NCKAP5: variants seen among roughly 807,000 people sequenced by gnomAD.
NCKAP5 encodes NCK associated protein 5.
Under a neutral mutation model 167.0 loss-of-function variants are expected in NCKAP5, and 92 were observed. The observed-to-expected ratio is 0.55, with a 90% CI of 0.47 to 0.66. The LOEUF (loss-of-function observed/expected upper bound fraction) is 0.66. Ranked by LOEUF, NCKAP5 falls within the 30% of genes least tolerant of loss-of-function variation. The pLI, the probability that NCKAP5 is intolerant of heterozygous loss-of-function variation, is 0.00. For missense variants in NCKAP5, 2,378 were observed against 2,315.0 expected, an observed-to-expected ratio of 1.03 and a Z score of -0.56; for synonymous variants, 891 against 877.4, an observed-to-expected ratio of 1.02 and a Z score of -0.27.
intron 3 of NCKAP5, among the ~76,000 whole-genome samples, chr2:133,456,178 T>C (rs1227851616): frequency 6.6e-6 from 1 of 152,206 alleles, no homozygotes; most frequent in Non-Finnish European, 1.5e-5. Context: ...TTTTCATTGT[T>C]GCTTTTATTC....
intron 5 of NCKAP5, among the ~76,000 whole-genome samples, chr2:133,187,805 C>CT (rs1318759399): frequency 4.0e-5 from 6 of 151,856 alleles, no homozygotes; most frequent in African/African-American, 1.2e-4. Flanking sequence ...GCAACACCTG[C>CT]TTTTTTTTGT....
intron 1 of NCKAP5, among the ~76,000 whole-genome samples, chr2:133,560,915 G>T (rs1035503172): frequency 6.6e-6 from 1 of 152,146 alleles, no homozygotes; most frequent in Non-Finnish European, 1.5e-5. Context: ...GTCAATACTG[G>T]GTTCCCCAAA....
At chr2:133,278,988 AG>A (rs2089842222) in intron 4 of NCKAP5, among the ~76,000 whole-genome samples, 2 of 152,186 alleles carry the variant, frequency 1.3e-5, no homozygotes, top group African/African-American at 4.8e-5. Context: ...TCAGATTGGG[AG>A]ACATTTAGAT....
chr2:132,982,053 C>T (rs1024293666), intron 7 of NCKAP5, among the ~76,000 whole-genome samples: 11 of 152,136 alleles, frequency 7.2e-5, no homozygotes, highest in Non-Finnish European at 1.3e-4. Flanking sequence ...GAAAGGCATC[C>T]GTGGCACTGG....
intron 16 of NCKAP5, among the ~76,000 whole-genome samples, chr2:132,747,315 G>T (rs2104760463): frequency 6.6e-6 from 1 of 152,304 alleles, no homozygotes; most frequent in African/African-American, 2.4e-5. Context: ...GTGTTGGCAA[G>T]AAAGCATCTT....
chr2:133,464,443 C>A (rs907414427), intron 3 of NCKAP5, among the ~76,000 whole-genome samples: 1 of 212 alleles, frequency 4.7e-3, no homozygotes, highest in Non-Finnish European at 8.6e-3. Flanking sequence ...GTAATCCCAG[C>A]CCTTTGGGGG....
chr2:132,777,518 C>T (rs1682649898), intron 15 of NCKAP5, among the ~76,000 whole-genome samples: 1 of 152,056 alleles, frequency 6.6e-6, no homozygotes. Context: ...AAGAAACCAA[C>T]ATTTTGATGT....
intron 3 of NCKAP5, among the ~76,000 whole-genome samples, chr2:133,441,421 C>G (rs1342759114): frequency 6.6e-6 from 1 of 152,122 alleles, no homozygotes; most frequent in African/African-American, 2.4e-5. Flanking sequence ...AAGCCTAATT[C>G]TAATAAAATT....
intron 12 of NCKAP5, among the ~76,000 whole-genome samples, chr2:132,791,732 A>G (rs1684085421): frequency 6.6e-6 from 1 of 152,236 alleles, no homozygotes; most frequent in Non-Finnish European, 1.5e-5. Flanking sequence ...TCCAAATGCA[A>G]TTCCAACTGA....
At chr2:132,749,793 A>C (rs1679956811) in intron 16 of NCKAP5, among the ~76,000 whole-genome samples, 1 of 152,176 alleles carries the variant, frequency 6.6e-6, no homozygotes. Context: ...CAGTGTTTCA[A>C]CTAGAGTTCT....
In NCKAP5 at chr2:132,783,447, A is replaced by G. The variant is rs768782735; in HGVS notation, c.3364T>C (p.Ser1122Pro). 16 of 1,585,598 alleles carry G rather than the reference A, an allele frequency of 1.0e-5. No individual in the cohort carries two copies. Among genetic ancestry groups the G allele is most frequent in the Non-Finnish European group, 1.2e-5 (14 of 1,165,998 alleles). ...CTGTTATGGCTTTTGGCGGGTGATG[A>G]GGATGATGAGGAACTGCTGACCTGA... The part of the protein sequence containing the change: ...SSQVSSSSSS[S>P]SPAKSHNSPH... Residue 1122 changes from serine (S) to proline (P), a missense_variant, in exon 14 of 20, where the codon TCA (serine) becomes CCA (proline). Transcript: ENST00000409261.
chr2:132,806,057 TATA>T (rs1268563476), intron 11 of NCKAP5, among the ~76,000 whole-genome samples: 2 of 152,168 alleles, frequency 1.3e-5, no homozygotes, highest in Non-Finnish European at 2.9e-5. Flanking sequence ...TTACTTCATT[TATA>T]ATAACAGTCT....
intron 3 of NCKAP5, among the ~76,000 whole-genome samples, chr2:133,480,773 T>C (rs1680352074): frequency 6.6e-6 from 1 of 152,186 alleles, no homozygotes; most frequent in Non-Finnish European, 1.5e-5. Context: ...ACTTCCCAAA[T>C]GAACTGCGTG....
At chr2:133,290,728 CT>C (rs58758295) in intron 4 of NCKAP5, among the ~76,000 whole-genome samples, 2,936 of 89,502 alleles carry the variant, frequency 0.033, 150 homozygotes, top group African/African-American at 0.12. Flanking sequence ...AGAATTTCTC[CT>C]TTTTTTTTTT....
chr2:133,534,488 C>G (rs549207591), intron 2 of NCKAP5, among the ~76,000 whole-genome samples: 1 of 150,636 alleles, frequency 6.6e-6, no homozygotes, highest in East Asian at 1.9e-4. Flanking sequence ...CAGTGCTTCT[C>G]CATCCCCTAC....
intron 8 of NCKAP5, among the ~76,000 whole-genome samples, chr2:132,916,075 C>T (rs1259308600): frequency 2.0e-5 from 3 of 151,968 alleles, no homozygotes; most frequent in Non-Finnish European, 4.4e-5. Context: ...TGCTAGACCT[C>T]AGTGAGCAGA....
chr2:133,018,275 G>A lies in NCKAP5; in HGVS notation c.342-24036C>T, dbSNP rs527867574. 2.0e-5 allele frequency among the ~76,000 whole-genome samples: 3 copies of A among 152,274 alleles called. No individual in the cohort carries two copies. The East Asian group carries it at 5.8e-4, about 29-fold the overall frequency. Reference sequence around the variant, plus strand: ...TTGTCTTAGGAAGCCACGTAGAAGAGGCCTGAGTTCTTGAGGGCACACTGC... The same window carrying A: ...TTGTCTTAGGAAGCCACGTAGAAGAAGCCTGAGTTCTTGAGGGCACACTGC... On this transcript the variant is annotated intron_variant, in intron 6 of 19. Coordinates refer to ENST00000409261, the MANE Select transcript of NCKAP5 (RefSeq NM_207363.3).
chr2:132,771,447 T>G (rs1248239298), intron 16 of NCKAP5, among the ~76,000 whole-genome samples: 2 of 152,192 alleles, frequency 1.3e-5, no homozygotes, highest in East Asian at 1.9e-4. Flanking sequence ...ATTGAAAAGT[T>G]TATAAAGTAA....
intron 6 of NCKAP5, among the ~76,000 whole-genome samples, chr2:133,119,223 C>CA: frequency 6.6e-6 from 1 of 152,132 alleles, no homozygotes; most frequent in East Asian, 1.9e-4. Flanking sequence ...AGGCTAGTCT[C>CA]AAACTCCTGA....
Sources: allele counts gnomAD v4.1 joint callset (sites outside exome capture counted in the v4.1 genomes callset), GRCh38; gene constraint gnomAD v4.1.1; transcripts MANE v1.5; gene names NCBI Gene and HGNC (gene_info 2026-07-23, HGNC 2026-07-21).